The following DCAF6 variants were observed in gnomAD, a reference collection of about 807,000 sequenced individuals.
The protein encoded by DCAF6 is DDB1- and CUL4-associated factor 6.
DCAF6 carries 54 observed loss-of-function variants against 125.1 expected under a neutral mutation model. The ratio of observed to expected loss-of-function variants is 0.43; its 90% CI spans 0.35 to 0.54. The LOEUF (loss-of-function observed/expected upper bound fraction) is 0.54. DCAF6 is among the 20% of genes least tolerant of loss of function. The pLI, the probability that DCAF6 is intolerant of heterozygous loss-of-function variation, is 0.01. For synonymous variants in DCAF6, 371 were observed against 390.4 expected (o/e 0.95, Z 0.58); for missense variants, 934 against 1,161.7 (o/e 0.80, Z 2.85).
At chr1:168,066,235 T>C in intron 19 of DCAF6, 142 bp from the exon 20 acceptor site, 1 of 454,822 alleles carries the variant, frequency 2.2e-6, no homozygotes, top group Non-Finnish European at 3.8e-6. Context: ...GTCAAAATAA[T>C]ATTTTCAATT....
At chr1:167,950,050 C>T (rs369263808) in intron 1 of DCAF6, among the ~76,000 whole-genome samples, 264 of 152,282 alleles carry the variant, frequency 1.7e-3, no homozygotes, top group Middle Eastern at 0.01. Context: ...AATGTGCAAA[C>T]GTCATATAGA....
the DCAF6 span, among the ~76,000 whole-genome samples, chr1:167,869,709 CT>C: frequency 3.9e-5 from 6 of 152,210 alleles, no homozygotes; most frequent in South Asian, 6.2e-4. Flanking sequence ...CACGTACCCC[CT>C]GGCTTACTCA....
At chr1:168,030,042 G>A (rs1686866585) in intron 12 of DCAF6, among the ~76,000 whole-genome samples, 2 of 151,958 alleles carry the variant, frequency 1.3e-5, no homozygotes, top group African/African-American at 2.4e-5. Context: ...CGTTAGAAAC[G>A]TGTCTCAAAC....
the DCAF6 span, among the ~76,000 whole-genome samples, chr1:167,930,219 T>A: frequency 1.3e-5 from 2 of 152,204 alleles, no homozygotes; most frequent in Non-Finnish European, 2.9e-5. Context: ...TTAAAAATGT[T>A]GACTGAAAAT....
At chr1:167,943,962 C>T (rs1406434198) in intron 1 of DCAF6, among the ~76,000 whole-genome samples, 1 of 151,732 alleles carries the variant, frequency 6.6e-6, no homozygotes, top group Admixed American at 6.6e-5. Flanking sequence ...CCTCAGCCTC[C>T]CAAGTAGTTG....
the DCAF6 span, among the ~76,000 whole-genome samples, chr1:167,908,206 G>A: frequency 6.6e-6 from 1 of 152,262 alleles, no homozygotes; most frequent in East Asian, 1.9e-4. Context: ...GTATACAATG[G>A]AGTACTATTC....
At chr1:167,956,762 T>C (rs1245865162) in intron 2 of DCAF6, among the ~76,000 whole-genome samples, 1 of 152,152 alleles carries the variant, frequency 6.6e-6, no homozygotes, top group African/African-American at 2.4e-5. Context: ...TGTTGCATTT[T>C]TATTTTCATT....
At position 168,054,638 on chromosome 1, in the gene DCAF6, A is replaced by G. The variant is rs1418307948; in HGVS notation, c.2300+3705A>G. The stretch of plus-strand genomic sequence containing the variant: ...TCTAGACTCTTACTTATAGGATTCA[A>G]TTGGACTGCAAACATTTTAAAATTT... On this transcript the variant is annotated intron_variant, in intron 17 of 21. Coordinates refer to ENST00000367840, the MANE Select transcript of DCAF6 (RefSeq NM_001198956.2). Among the ~76,000 whole-genome samples, 4 of 152,180 alleles carry G rather than the reference A, an allele frequency of 2.6e-5. No individual in the cohort carries two copies. In the East Asian group the frequency reaches 5.8e-4, roughly 22 times the overall value.
At chr1:168,043,173 A>C in intron 14 of DCAF6, 33 bp downstream of exon 14, 1 of 1,469,388 alleles carries the variant, frequency 6.8e-7, no homozygotes, top group South Asian at 1.2e-5. Context: ...TTGTTATAAA[A>C]TTGCAGCATT....
At chr1:168,062,946 C>G (rs1356889080) in intron 17 of DCAF6, among the ~76,000 whole-genome samples, 1 of 146,722 alleles carries the variant, frequency 6.8e-6, no homozygotes, top group Non-Finnish European at 1.5e-5. Context: ...GAGTCTCGCT[C>G]TGTCACCCAG....
the DCAF6 span, chr1:167,878,399 C>A: frequency 3.8e-6 from 6 of 1,591,388 alleles, 1 homozygote; most frequent in South Asian, 6.6e-5. Context: ...CATAATTCTC[C>A]CGCTTCTTTA....
At chr1:168,056,287 C>A (rs1381859611) in intron 17 of DCAF6, 1 of 1,609,838 alleles carries the variant, frequency 6.2e-7, no homozygotes, top group African/African-American at 1.4e-5. Context: ...GAGAGCAGAG[C>A]GGGTCCAGTG....
chr1:167,927,972 TC>T, the DCAF6 span, among the ~76,000 whole-genome samples: 1 of 152,202 alleles, frequency 6.6e-6, no homozygotes, highest in Non-Finnish European at 1.5e-5. Flanking sequence ...TGCTAATTTT[TC>T]TGAGATACTA....
intron 12 of DCAF6, among the ~76,000 whole-genome samples, chr1:168,029,718 C>T (rs1228863219): frequency 2.0e-5 from 3 of 152,248 alleles, no homozygotes; most frequent in East Asian, 1.9e-4. Flanking sequence ...TGGTGGCTCA[C>T]GCCTGTAATC....
intron 2 of DCAF6, among the ~76,000 whole-genome samples, chr1:167,958,516 C>T (rs1675112167): frequency 6.6e-6 from 1 of 151,760 alleles, no homozygotes; most frequent in South Asian, 2.1e-4. Flanking sequence ...TTTGTTTTTG[C>T]CAGTGCCACA....
At chr1:167,929,645 A>T in the DCAF6 span, among the ~76,000 whole-genome samples, 4 of 152,210 alleles carry the variant, frequency 2.6e-5, no homozygotes, top group Non-Finnish European at 5.9e-5. Context: ...TATTTGAGAG[A>T]AATTACTGTT....
At chr1:167,975,118 GTA>G (rs1268916004) in intron 4 of DCAF6, 103 bp downstream of exon 4, 1 of 612,224 alleles carries the variant, frequency 1.6e-6, no homozygotes, top group Non-Finnish European at 2.5e-6. Flanking sequence ...AGATGTGTGT[GTA>G]TGCACATTTG....
chr1:168,004,081 G>T, intron 9 of DCAF6, 92 bp downstream of exon 9: 1 of 1,391,720 alleles, frequency 7.2e-7, no homozygotes. Flanking sequence ...ATTATACCAT[G>T]TTTTACATCT....
chr1:168,062,695 A>G (rs1255292417), intron 17 of DCAF6, among the ~76,000 whole-genome samples: 1 of 151,842 alleles, frequency 6.6e-6, no homozygotes, highest in African/African-American at 2.4e-5. Flanking sequence ...AATAAATTCA[A>G]ACTGACAAAA....
Sources: gnomAD v4.1 joint callset for allele counts (sites outside exome capture counted in the v4.1 genomes callset) on GRCh38, gnomAD v4.1.1 for gene constraint, MANE v1.5 for transcripts, NCBI Gene and HGNC (gene_info 2026-07-23, HGNC 2026-07-21) for gene names.